FAT2: variants seen among roughly 807,000 people sequenced by gnomAD.
FAT2 encodes the protein protocadherin Fat 2.
A neutral mutation model predicts 295.3 loss-of-function variants in FAT2; 150 were observed. The ratio of observed to expected loss-of-function variants is 0.51; its 90% confidence interval spans 0.44 to 0.58. The LOEUF (loss-of-function observed/expected upper bound fraction) is 0.58, where lower values mean the gene tolerates loss of function less well. Among genes scored for constraint, FAT2 ranks in the 20% least tolerant of loss-of-function variants. FAT2 has a pLI of 0.00. For synonymous variants in FAT2, 2,026 were observed against 2,150.3 expected (o/e 0.94, Z 1.60); for missense variants, 4,868 against 5,442.7 (o/e 0.89, Z 3.32).
chr5:151,530,167 C>T (rs893362082), intron 14 of FAT2, among the ~76,000 whole-genome samples: 7 of 151,706 alleles, frequency 4.6e-5, no homozygotes, highest in Admixed American at 2.0e-4. Flanking sequence ...CTATAATGGC[C>T]TTATATACCC....
rs780754517 is a variant in FAT2 at position 151,529,291 on chromosome 5, T to C, written c.9913A>G (p.Thr3305Ala). 1 of 1,614,090 alleles carries C rather than the reference T, an allele frequency of 6.2e-7. No individual in the cohort carries two copies. The highest frequency in any genetic ancestry group is 1.7e-5 in the Admixed American group (1 of 60,016). The change falls in exon 15 of 24, where the codon ACC (threonine) becomes GCC (alanine). Residue 3305 changes from threonine to alanine, a missense_variant. Coordinates refer to ENST00000261800, the MANE Select transcript of FAT2 (RefSeq NM_001447.3). The stretch of plus-strand genomic sequence containing the variant: ...TCAGTGATGTTGACCATGACTGTGG[T>C]CACGTCACTGAGGGAAGAGGAGCTC... Reference protein sequence around the residue: ...RKSSSSLSDVTTVMVNITDVN... With the variant: ...RKSSSSLSDVATVMVNITDVN...
intron 3 of FAT2, among the ~76,000 whole-genome samples, chr5:151,560,251 A>T (rs1757963243): frequency 6.6e-6 from 1 of 152,132 alleles, no homozygotes; most frequent in Non-Finnish European, 1.5e-5. Context: ...AGCTCTTTCT[A>T]TAGCTTTGTA....
rs765477419 is a variant in FAT2 at position 151,542,859 on chromosome 5, G to A, written c.8268C>T (p.Asp2756=). 1.2e-6 allele frequency: 2 copies of A among 1,614,152 alleles called. No homozygotes were observed. The highest frequency in any genetic ancestry group is 1.1e-5 in the South Asian group (1 of 91,074). Residue 2756 remains aspartate, a synonymous_variant, in exon 10 of 24, where the codon GAC becomes GAT. Transcript: ENST00000261800. ...TGVIKVRKPM[D]HESTKLYQID... ...TCTGGTACAATTTGGTGGATTCGTGGTCCATGGGCTTCCTCACCTTTATGA... is the reference window on the plus strand; with the variant it reads ...TCTGGTACAATTTGGTGGATTCGTGATCCATGGGCTTCCTCACCTTTATGA...
chr5:151,517,770 G>A lies in FAT2; in HGVS notation c.11318-5C>T. The A allele has an allele frequency of 6.2e-7, 1 of 1,614,028 alleles. No homozygotes were observed. The highest frequency in any genetic ancestry group is 8.5e-7 in the Non-Finnish European group (1 of 1,179,900). On this transcript the variant is annotated splice_polypyrimidine_tract_variant and splice_region_variant and intron_variant, in intron 19 of 23. Coordinates refer to ENST00000261800, the MANE Select transcript of FAT2 (RefSeq NM_001447.3). Reference sequence around the variant, plus strand: ...CACTGAACCTTGTAGCAGTACCTGAGAAAGCAACCAAAGCTGTCACCTCTA... The same window carrying A: ...CACTGAACCTTGTAGCAGTACCTGAAAAAGCAACCAAAGCTGTCACCTCTA...
Position 151,507,415 on chromosome 5 carries a change from G to A in FAT2, c.12256C>T (p.Leu4086Phe), listed in dbSNP as rs1428905340. Residue 4086 changes from leucine (L) to phenylalanine (F), a missense_variant, in exon 23 of 24, where the codon CTC becomes TTC. Physicochemically the swap from Leu to Phe is conservative, Grantham distance 22 (BLOSUM62 0). Around this residue, in one of 5 missense-constraint regions of FAT2, gnomAD observed 492 missense variants for 482.6 expected, o/e 1.02. Transcript: ENST00000261800. ...TCAACACCAACACTCCTGGCCAGGA[G>A]GTCTGGGTCCTCCATGGCCACAGGC... ...HKPVAMEDPD[L>F]LARSVGVDTQ... is the part of the protein sequence containing the mutation. 6.2e-7 allele frequency: 1 copy of A among 1,614,200 alleles called. No individual in the cohort carries two copies. Among genetic ancestry groups the A allele is most frequent in the East Asian group, 2.2e-5 (1 of 44,880 alleles).
intron 2 of FAT2, among the ~76,000 whole-genome samples, chr5:151,564,693 G>A (rs1758169126): frequency 6.6e-6 from 1 of 152,198 alleles, no homozygotes; most frequent in African/African-American, 2.4e-5. Context: ...AAGGAATGTG[G>A]TTGTGTCACC....
upstream of FAT2, among the ~76,000 whole-genome samples, chr5:151,593,811 G>T (rs1464571923): frequency 6.6e-6 from 1 of 152,054 alleles, no homozygotes; most frequent in Non-Finnish European, 1.5e-5. Context: ...AGACCATCCT[G>T]GCCAACATGG....
In FAT2 at chr5:151,537,841, AAT is replaced by A; in HGVS notation, c.9143_9144del (p.Tyr3048PhefsTer9). On this transcript the variant is annotated frameshift_variant, in exon 12 of 24. Coordinates refer to ENST00000261800, the MANE Select transcript of FAT2 (RefSeq NM_001447.3). LOFTEE classifies it high-confidence loss of function. ...LDTDTNAQIT[Y>X]SLHGPGAHEF... Reference sequence around the variant, plus strand: ...TCATGCGCCCCAGGGCCATGCAGAGAATATGTGATCTGAGCATTGGTATCAGT... The same window carrying A: ...TCATGCGCCCCAGGGCCATGCAGAGAATGTGATCTGAGCATTGGTATCAGT... The A allele has an allele frequency of 6.2e-7, 1 of 1,614,160 alleles. No homozygotes were observed. The highest frequency in any genetic ancestry group is 8.5e-7 in the Non-Finnish European group (1 of 1,180,000).
rs751871508 is a variant in FAT2 at position 151,566,285 on chromosome 5, G to C, written c.2647C>G (p.Arg883Gly). 3 of 1,613,942 alleles carry C rather than the reference G, an allele frequency of 1.9e-6. No homozygotes were observed. The highest frequency in any genetic ancestry group is 2.7e-5 in the African/African-American group (2 of 74,866). Reference sequence around the variant, plus strand: ...AGTATGTACCGAGGCTCTGATTCGCGGTCCAGGTGTCCTGTAACAACCAGT... The same window carrying C: ...AGTATGTACCGAGGCTCTGATTCGCCGTCCAGGTGTCCTGTAACAACCAGT... ...GELVVTGHLDRESEPRYILKV... is the reference protein window; with the variant it reads ...GELVVTGHLDGESEPRYILKV... Residue 883 changes from arginine to glycine, a missense_variant, in exon 2 of 24, where the codon CGC (arginine) becomes GGC (glycine). Physicochemically the swap from Arg to Gly is moderately radical, Grantham distance 125. This residue lies in a region of FAT2 where 3,297 missense variants were observed against 3,669.4 expected (regional missense o/e 0.90). Transcript: ENST00000261800.
chr5:151,544,575 G>C lies in FAT2; in HGVS notation c.6552C>G (p.Ile2184Met), dbSNP rs1454952388. The change falls in exon 10 of 24, where the codon ATC becomes ATG. Residue 2184 changes from isoleucine to methionine, a missense_variant. Ile to Met is a conservative substitution (Grantham distance 10). Coordinates refer to ENST00000261800, the MANE Select transcript of FAT2 (RefSeq NM_001447.3). ...TGTGGAGAATTGGGGTATAGAGGGT[G>C]ATATTTTCAGGTACTCTGACTTTGT... The part of the protein sequence containing the change: ...PYYKVRVPEN[I>M]TLYTPILHTQ... 6.2e-7 allele frequency: 1 copy of C among 1,613,926 alleles called. No individual in the cohort carries two copies. Among genetic ancestry groups the C allele is most frequent in the Non-Finnish European group, 8.5e-7 (1 of 1,179,992 alleles).
intron 9 of FAT2, among the ~76,000 whole-genome samples, 200 bp from the exon 10 acceptor site, chr5:151,546,537 T>A (rs1281544485): frequency 6.6e-6 from 1 of 152,168 alleles, no homozygotes; most frequent in Non-Finnish European, 1.5e-5. Context: ...GTGCTTCATA[T>A]CACCATCAAT....
Position 151,544,762 on chromosome 5 carries a change from A to G in FAT2, c.6365T>C (p.Leu2122Pro). 1 of 1,614,230 alleles carries G rather than the reference A, an allele frequency of 6.2e-7. No homozygotes were observed. The highest frequency in any genetic ancestry group is 8.5e-7 in the Non-Finnish European group (1 of 1,180,038). Reference protein sequence around the residue: ...DYTYFRIDPYLGDISLKKPFD... With the variant: ...DYTYFRIDPYPGDISLKKPFD... ...GGGTTTCTTGAGTGATATGTCCCCA[A>G]GATAGGGGTCAATTCGGAAATATGT... is the stretch of plus-strand genomic sequence containing the variant. Residue 2122 changes from leucine (L) to proline (P), a missense_variant, in exon 10 of 24, where the codon CTT becomes CCT. By Grantham distance (98) the Leu-to-Pro change is moderately conservative. Around this residue, in one of 5 missense-constraint regions of FAT2, gnomAD observed 3,297 missense variants for 3,669.4 expected, o/e 0.90. Transcript: ENST00000261800.
chr5:151,563,197 G>T, intron 3 of FAT2, 128 bp downstream of exon 3: 1 of 859,586 alleles, frequency 1.2e-6, no homozygotes, highest in Non-Finnish European at 1.8e-6. Flanking sequence ...TGATTCAGTG[G>T]ATTTAGGGTG....
upstream of FAT2, among the ~76,000 whole-genome samples, chr5:151,591,514 C>T (rs1225908263): frequency 6.6e-6 from 1 of 152,206 alleles, no homozygotes; most frequent in Non-Finnish European, 1.5e-5. Flanking sequence ...GGCCCATCTC[C>T]ACCTCCCTTC....
Position 151,507,231 on chromosome 5 carries a change from C to G in FAT2, c.12440G>C (p.Arg4147Thr), listed in dbSNP as rs146563944. 189 of 1,613,714 alleles carry G rather than the reference C, an allele frequency of 1.2e-4. No homozygotes were observed. The highest frequency in any genetic ancestry group is 1.5e-4 in the Non-Finnish European group (178 of 1,179,756). The change falls in exon 23 of 24, where the codon AGA (arginine) becomes ACA (threonine). Residue 4147 changes from arginine (R) to threonine (T), a missense_variant. Physicochemically the swap from Arg to Thr is moderately conservative, Grantham distance 71 (BLOSUM62 -1). This residue lies in a region of FAT2 where 492 missense variants were observed against 482.6 expected (regional missense o/e 1.02). Coordinates refer to ENST00000261800, the MANE Select transcript of FAT2 (RefSeq NM_001447.3). ...QRPVVCSVPP[R>T]LPPAAVPSHS... Reference sequence around the variant, plus strand: ...GGAAGGGACCGCAGCTGGCGGGAGTCTGGGGGGCACACTGCAGACCACTGG... The same window carrying G: ...GGAAGGGACCGCAGCTGGCGGGAGTGTGGGGGGCACACTGCAGACCACTGG...
chr5:151,550,829 G>A lies in FAT2; in HGVS notation c.4339C>T (p.Gln1447Ter). 2 of 1,613,700 alleles carry A rather than the reference G, an allele frequency of 1.2e-6. No individual in the cohort carries two copies. The highest frequency in any genetic ancestry group is 8.5e-7 in the Non-Finnish European group (1 of 1,180,016). The stretch of plus-strand genomic sequence containing the variant: ...ACTTCATAACGAGTTTCCAGAAACT[G>A]GGGCCGATGGTGGTTAATGTTGGCA... Reference protein sequence around the residue: ...MIANINHHRPQFLETRYEVRV... With the variant: ...MIANINHHRP Residue 1447 changes from glutamine (Q) to a stop codon, truncating the protein, a stop_gained, in exon 8 of 24, where the codon CAG becomes TAG. Transcript: ENST00000261800. LOFTEE classifies it high-confidence loss of function.
chr5:151,584,386 T>C (rs1255985875), intron 1 of FAT2, among the ~76,000 whole-genome samples: 2 of 152,204 alleles, frequency 1.3e-5, no homozygotes, highest in Non-Finnish European at 2.9e-5. Flanking sequence ...CATTTTTCTG[T>C]TCTTGGAGCA....
Position 151,568,927 on chromosome 5 carries a change from G to A in FAT2, c.5C>T (p.Thr2Ile), listed in dbSNP as rs746643917. The change falls in exon 2 of 24, where the codon ACT (threonine) becomes ATT (isoleucine). Residue 2 changes from threonine (T) to isoleucine (I), a missense_variant. Physicochemically the swap from Thr to Ile is moderately conservative, Grantham distance 89. Around this residue, in one of 5 missense-constraint regions of FAT2, gnomAD observed 3,297 missense variants for 3,669.4 expected, o/e 0.90. Transcript: ENST00000261800. ...TATGGCAAAACCCAGCAGGGCAATA[G>A]TCATGGTGGAAAACTCCCGAAACCC... M[T>I]IALLGFAIFL... The A allele has an allele frequency of 2.3e-5, 37 of 1,595,128 alleles. No homozygotes were observed. The highest frequency in any genetic ancestry group is 3.2e-5 in the Non-Finnish European group (37 of 1,171,214).
intron 1 of FAT2, among the ~76,000 whole-genome samples, chr5:151,587,137 G>T (rs183302026): frequency 6.7e-6 from 1 of 150,062 alleles, no homozygotes; most frequent in South Asian, 2.1e-4. Flanking sequence ...ATGAGGCTCC[G>T]TCTCAAAAAA....
Sources: allele counts gnomAD v4.1 joint callset (sites outside exome capture counted in the v4.1 genomes callset), GRCh38; gene constraint gnomAD v4.1.1; regional missense constraint gnomAD v4.1.1; transcripts MANE v1.5; gene names NCBI Gene and HGNC (gene_info 2026-07-23, HGNC 2026-07-21).